The following RIMS2 variants were observed in gnomAD, a reference collection of about 807,000 sequenced individuals.
RIMS2 encodes the protein regulating synaptic membrane exocytosis protein 2.
A neutral mutation model predicts 174.4 loss-of-function variants in RIMS2; 59 were observed. The ratio of observed to expected loss-of-function variants is 0.34; its 90% confidence interval spans 0.27 to 0.42. The LOEUF (loss-of-function observed/expected upper bound fraction) is 0.42. Ranked by LOEUF, RIMS2 falls within the 10% of genes least tolerant of loss-of-function variation. The pLI is 1.00. For synonymous variants in RIMS2, 606 were observed against 572.5 expected, an observed-to-expected ratio of 1.06 and a Z score of -0.84; for missense variants, 1,620 against 1,666.3, an observed-to-expected ratio of 0.97 and a Z score of 0.48.
chr8:104,130,577 C>T (rs1311224392), intron 19 of RIMS2, among the ~76,000 whole-genome samples: 1 of 152,148 alleles, frequency 6.6e-6, no homozygotes, highest in Admixed American at 6.6e-5. Context: ...CCACATCCCC[C>T]TCTTCAGAGA....
At chr8:104,130,694 A>G (rs1566588959) in intron 19 of RIMS2, among the ~76,000 whole-genome samples, 1 of 152,190 alleles carries the variant, frequency 6.6e-6, no homozygotes, top group Non-Finnish European at 1.5e-5. Context: ...ATGTTATTTC[A>G]AAGTTTTTCT....
chr8:103,602,181 G>T (rs1330288735), intron 1 of RIMS2, among the ~76,000 whole-genome samples: 2 of 151,992 alleles, frequency 1.3e-5, no homozygotes, highest in Non-Finnish European at 2.9e-5. Context: ...TAGAGACGGG[G>T]TTTCACCATG....
chr8:103,688,366 A>C (rs10091089), intron 1 of RIMS2, among the ~76,000 whole-genome samples: 26,861 of 151,968 alleles, frequency 0.18, 2,570 homozygotes, highest in African/African-American at 0.24. Context: ...CAGTTTGTGT[A>C]CTTTGTTCTG....
At chr8:103,920,654 C>CCAATTG in intron 9 of RIMS2, 1 of 457,206 alleles carries the variant, frequency 2.2e-6, no homozygotes, top group Non-Finnish European at 4.4e-6. Context: ...TGTAGGTTCA[C>CCAATTG]TGTGTTCCCA....
rs200044064 is a variant in RIMS2 at position 103,606,162 on chromosome 8, A to G, written c.177-90924A>G. 3.3e-3 allele frequency among the ~76,000 whole-genome samples: 471 copies of G among 141,674 alleles called. 13 individuals are homozygous for G. In the East Asian group the frequency reaches 0.084, roughly 25 times the overall value. The allele number at this position is 141,674 out of a possible 152,430, so 92.9% of individuals were successfully genotyped here. On this transcript the variant is annotated intron_variant, in intron 1 of 23. Coordinates refer to ENST00000504942, the Ensembl canonical transcript of RIMS2. Reference sequence around the variant, plus strand: ...TAGTGCTATAAATTTCCCTCTACACACTGCTTTGAATGCGTCCCAGAGATT... The same window carrying G: ...TAGTGCTATAAATTTCCCTCTACACGCTGCTTTGAATGCGTCCCAGAGATT...
At chr8:103,833,217 T>C (rs552188893) in intron 3 of RIMS2, among the ~76,000 whole-genome samples, 2 of 152,322 alleles carry the variant, frequency 1.3e-5, no homozygotes, top group African/African-American at 4.8e-5. Context: ...AAGTAAATGG[T>C]TCGTGATGAC....
At position 104,164,432 on chromosome 8, in the gene RIMS2, T is replaced by C. The variant is rs62508104; in HGVS notation, c.3335-80484T>C. Among the ~76,000 whole-genome samples, 762 of 152,256 alleles carry C rather than the reference T, an allele frequency of 5.0e-3. 10 individuals are homozygous for C. The highest frequency in any genetic ancestry group is 6.8e-3 in the Middle Eastern group (2 of 294). On this transcript the variant is annotated intron_variant, in intron 19 of 23. Transcript: ENST00000504942. ...TTTTCCAAAAAAATAAGGACAAAAA[T>C]GTTTTTTACACAAGTGAAAATACTT...
At chr8:104,000,729 A>G (rs1254101307) in intron 17 of RIMS2, among the ~76,000 whole-genome samples, 4 of 151,694 alleles carry the variant, frequency 2.6e-5, no homozygotes, top group African/African-American at 9.7e-5. Context: ...TGTTATTTTC[A>G]GAATTTTTTT....
At chr8:103,673,165 G>C (rs927438029) in intron 1 of RIMS2, among the ~76,000 whole-genome samples, 1 of 152,218 alleles carries the variant, frequency 6.6e-6, no homozygotes, top group African/African-American at 2.4e-5. Flanking sequence ...CACCCCTGTG[G>C]CTTTGCAGGG....
At chr8:104,062,012 AT>A (rs1252990365) in intron 19 of RIMS2, among the ~76,000 whole-genome samples, 1 of 152,188 alleles carries the variant, frequency 6.6e-6, no homozygotes, top group Non-Finnish European at 1.5e-5. Context: ...ATGATCAAAA[AT>A]ATGATCATTT....
chr8:103,578,989 CAA>C (rs34203614), intron 1 of RIMS2, among the ~76,000 whole-genome samples: 22,485 of 146,924 alleles, frequency 0.15, 1,791 homozygotes, highest in Non-Finnish European at 0.17. Flanking sequence ...GACTCTGTCT[CAA>C]AAAAAAAAAA....
At chr8:103,752,589 T>G (rs559911788) in intron 2 of RIMS2, among the ~76,000 whole-genome samples, 2 of 152,334 alleles carry the variant, frequency 1.3e-5, no homozygotes, top group African/African-American at 4.8e-5. Context: ...TCCATTTGTT[T>G]GTATCCTCTT....
intron 1 of RIMS2, among the ~76,000 whole-genome samples, chr8:103,649,352 C>T (rs1363768542): frequency 6.6e-6 from 1 of 151,790 alleles, no homozygotes; most frequent in Non-Finnish European, 1.5e-5. Flanking sequence ...CCTGGCCTTT[C>T]TATCTGACTG....
chr8:103,510,056 G>A lies in RIMS2; in HGVS notation c.176+8994G>A, dbSNP rs561832922. 4.6e-5 allele frequency among the ~76,000 whole-genome samples: 7 copies of A among 152,270 alleles called. No individual in the cohort carries two copies. The South Asian group carries it at 1.5e-3, about 32-fold the overall frequency. On this transcript the variant is annotated intron_variant, in intron 1 of 23. Coordinates refer to ENST00000504942, the Ensembl canonical transcript of RIMS2. Reference sequence around the variant, plus strand: ...GGATAAATGCTCCTTTAAGGCACAGGAGGAATGCCCTTTAGCATTTTTTTC... The same window carrying A: ...GGATAAATGCTCCTTTAAGGCACAGAAGGAATGCCCTTTAGCATTTTTTTC...
intron 19 of RIMS2, among the ~76,000 whole-genome samples, chr8:104,172,619 T>TA (rs2098838803): frequency 6.6e-6 from 1 of 152,224 alleles, no homozygotes; most frequent in African/African-American, 2.4e-5. Flanking sequence ...CCACAAAGCC[T>TA]AAAATATTTG....
intron 3 of RIMS2, among the ~76,000 whole-genome samples, chr8:103,828,269 T>C (rs1163208039): frequency 6.6e-6 from 1 of 152,188 alleles, no homozygotes; most frequent in South Asian, 2.1e-4. Flanking sequence ...ATTGGTGTTA[T>C]TTATCCCTTA....
chr8:103,933,413 G>A (rs1021073271), intron 12 of RIMS2, among the ~76,000 whole-genome samples: 1 of 152,032 alleles, frequency 6.6e-6, no homozygotes, highest in Non-Finnish European at 1.5e-5. Flanking sequence ...TTTAACCTGC[G>A]AGGCATAAGT....
At chr8:103,858,798 A>C (rs1229811259) in intron 3 of RIMS2, among the ~76,000 whole-genome samples, 1 of 151,732 alleles carries the variant, frequency 6.6e-6, no homozygotes, top group South Asian at 2.1e-4. Flanking sequence ...AGTATACAGA[A>C]TTATAAGATT....
chr8:103,900,217 C>G (rs1027556327), intron 4 of RIMS2, among the ~76,000 whole-genome samples: 5 of 151,502 alleles, frequency 3.3e-5, no homozygotes, highest in Admixed American at 3.3e-4. Context: ...CAAGCAAATG[C>G]TGAGAGATTT....
Sources: gnomAD v4.1 joint callset for allele counts (sites outside exome capture counted in the v4.1 genomes callset) on GRCh38, gnomAD v4.1.1 for gene constraint, MANE v1.5 for transcripts, NCBI Gene and HGNC (gene_info 2026-07-23, HGNC 2026-07-21) for gene names.